The following LDB3 variants were observed in gnomAD, a reference collection of about 807,000 sequenced individuals.
LDB3 encodes the protein LIM domain binding 3, also known as LIM domain-binding protein 3.
A neutral mutation model predicts 69.0 loss-of-function variants in LDB3; 49 were observed. That is an observed-to-expected ratio of 0.71 (90% CI 0.56 to 0.90). The LOEUF (loss-of-function observed/expected upper bound fraction) is 0.90, where lower values mean the gene tolerates loss of function less well. Among genes scored for constraint, LDB3 ranks in the 40% least tolerant of loss-of-function variants. LDB3 has a pLI of 0.00. For synonymous variants in LDB3, 387 were observed against 396.2 expected (o/e 0.98, Z 0.28); for missense variants, 928 against 974.1 (o/e 0.95, Z 0.63).
At chr10:86,687,057 C>T (rs903200280) in intron 5 of LDB3, 11 of 1,613,468 alleles carry the variant, frequency 6.8e-6, no homozygotes, top group East Asian at 2.2e-5. Flanking sequence ...TACTCCCGCA[C>T]CCCTCCCCCA....
rs1844467549 is a variant in LDB3, at chr10:86,671,441, C to T, written c.93+2657C>T. On this transcript the variant is annotated intron_variant, in intron 2 of 13. Coordinates refer to ENST00000361373, the MANE Select transcript of LDB3 (RefSeq NM_007078.3). ...GCAGCAGCCCCTCAAGGCATCCCTTCATAGGGTCTCTGCTTGCAGACCCAC... is the reference window on the plus strand; with the variant it reads ...GCAGCAGCCCCTCAAGGCATCCCTTTATAGGGTCTCTGCTTGCAGACCCAC... Among the ~76,000 whole-genome samples the T allele has an allele frequency of 2.0e-5, 3 of 152,286 alleles. No individual in the cohort carries two copies. In the South Asian group the frequency reaches 6.2e-4, roughly 32 times the overall value.
intron 5 of LDB3, among the ~76,000 whole-genome samples, chr10:86,682,188 C>T (rs1845190780): frequency 6.6e-6 from 1 of 152,196 alleles, no homozygotes; most frequent in African/African-American, 2.4e-5. Flanking sequence ...GAGCTATGCA[C>T]AGGTCCCCAC....
chr10:86,674,795 C>T (rs1844691869), intron 2 of LDB3, among the ~76,000 whole-genome samples: 2 of 152,244 alleles, frequency 1.3e-5, no homozygotes, highest in South Asian at 2.1e-4. Flanking sequence ...ACAAGACAGA[C>T]GTGGAAGCAT....
At chr10:86,673,144 G>A (rs1844580768) in intron 2 of LDB3, among the ~76,000 whole-genome samples, 1 of 152,380 alleles carries the variant, frequency 6.6e-6, no homozygotes, top group Non-Finnish European at 1.5e-5. Flanking sequence ...CTTGCTGGGG[G>A]CCCTTGAGAG....
intron 5 of LDB3, among the ~76,000 whole-genome samples, chr10:86,689,872 G>C (rs946092661): frequency 6.6e-6 from 1 of 152,214 alleles, no homozygotes; most frequent in Admixed American, 6.5e-5. Flanking sequence ...AGTGGGTCCA[G>C]AGAGTGGACT....
intron 13 of LDB3, among the ~76,000 whole-genome samples, chr10:86,727,549 C>T (rs1242586779): frequency 1.3e-5 from 2 of 152,226 alleles, no homozygotes; most frequent in African/African-American, 4.8e-5. Flanking sequence ...CTCTGTGTGT[C>T]GGTTTGCTAG....
intron 7 of LDB3, among the ~76,000 whole-genome samples, chr10:86,693,764 C>T (rs567441088): frequency 1.3e-5 from 2 of 152,352 alleles, no homozygotes; most frequent in South Asian, 4.1e-4. Flanking sequence ...GAGCTCTCAG[C>T]TCTCCCCTCC....
chr10:86,681,163 C>T (rs1358206917), intron 4 of LDB3, among the ~76,000 whole-genome samples: 3 of 152,242 alleles, frequency 2.0e-5, no homozygotes, highest in East Asian at 3.9e-4. Flanking sequence ...CCCACTTCCT[C>T]GGGCCCTGGG....
At chr10:86,696,435 C>T (rs960810856) in intron 7 of LDB3, among the ~76,000 whole-genome samples, 3 of 152,218 alleles carry the variant, frequency 2.0e-5, no homozygotes, top group Admixed American at 2.0e-4. Flanking sequence ...CCTGGGAGGT[C>T]GTCTTTCTTG....
intron 9 of LDB3, among the ~76,000 whole-genome samples, chr10:86,715,895 A>G (rs1199299991): frequency 6.6e-6 from 1 of 152,174 alleles, no homozygotes; most frequent in Non-Finnish European, 1.5e-5. Flanking sequence ...AACTTATGCC[A>G]AGGGAGGTAT....
rs587782955 is a variant in LDB3, at chr10:86,681,472, C to A, written c.358C>A (p.Pro120Thr). The A allele has an allele frequency of 2.5e-6, 4 of 1,607,012 alleles. No individual in the cohort carries two copies. Reference sequence around the variant, plus strand: ...GGACACGAACGGCAGCCTGGTGGCACCCAGCCCCAGCCCTGAGGCGAGGGC... The same window carrying A: ...GGACACGAACGGCAGCCTGGTGGCAACCAGCCCCAGCCCTGAGGCGAGGGC... ...ALDTNGSLVA[P>T]SPSPEARASP... The change falls in exon 5 of 14, where the codon CCC becomes ACC. Residue 120 changes from proline (P) to threonine (T), a missense_variant. Physicochemically the swap from Pro to Thr is conservative, Grantham distance 38. Transcript: ENST00000361373.
intron 5 of LDB3, among the ~76,000 whole-genome samples, chr10:86,688,535 C>T (rs545320776): frequency 8.5e-4 from 130 of 152,296 alleles, no homozygotes; most frequent in African/African-American, 2.9e-3. Context: ...AAGTCAAACT[C>T]CCAAGGCTCA....
intron 9 of LDB3, among the ~76,000 whole-genome samples, chr10:86,710,900 G>A (rs1184030190): frequency 1.3e-5 from 2 of 152,226 alleles, no homozygotes; most frequent in East Asian, 3.9e-4. Context: ...TCCAGGCTGC[G>A]CTGTTCATGG....
At chr10:86,715,895 A>C (rs1199299991) in intron 9 of LDB3, among the ~76,000 whole-genome samples, 5 of 152,174 alleles carry the variant, frequency 3.3e-5, no homozygotes, top group African/African-American at 1.2e-4. Flanking sequence ...AACTTATGCC[A>C]AGGGAGGTAT....
rs778000992 is a variant in LDB3 at position 86,692,516 on chromosome 10, A to G, written c.860-19A>G. On this transcript the variant is annotated intron_variant, in intron 6 of 13. Transcript: ENST00000361373. Reference sequence around the variant, plus strand: ...TGTGTCTCCCGTGAGTCCCCTGACCAGCTCCTTTCTACCAACAGTGCAAGA... The same window carrying G: ...TGTGTCTCCCGTGAGTCCCCTGACCGGCTCCTTTCTACCAACAGTGCAAGA... 1 of 1,614,024 alleles carries G rather than the reference A, an allele frequency of 6.2e-7. No individual in the cohort carries two copies. The highest frequency in any genetic ancestry group is 8.5e-7 in the Non-Finnish European group (1 of 1,179,860).
At chr10:86,668,813 C>T (rs762991593) in intron 2 of LDB3, 29 bp downstream of exon 2, 2 of 1,539,738 alleles carry the variant, frequency 1.3e-6, no homozygotes, top group African/African-American at 2.7e-5. Flanking sequence ...AGCCTGGCAC[C>T]CGATGGGGCA....
At chr10:86,717,894 G>T in intron 10 of LDB3, 70 bp from the exon 11 acceptor site, 1 of 1,398,254 alleles carries the variant, frequency 7.2e-7, no homozygotes, top group South Asian at 1.2e-5. Flanking sequence ...AAACAGTGTT[G>T]GGGTTCTTCA....
chr10:86,733,201 C>G lies in LDB3; in HGVS notation c.*225C>G, dbSNP rs1372312914. 1.9e-6 allele frequency: 1 copy of G among 514,516 alleles called. No homozygotes were observed. The highest frequency in any genetic ancestry group is 3.5e-6 in the Non-Finnish European group (1 of 282,876). The allele number at this position is 514,516 out of a possible 1,614,324, so 31.9% of individuals were successfully genotyped here. ...ACTCAAAACCAAGCTAGTTATTAATCCAAGACTGGAATTGTACTTCAGACA... is the reference window on the plus strand; with the variant it reads ...ACTCAAAACCAAGCTAGTTATTAATGCAAGACTGGAATTGTACTTCAGACA... On this transcript the variant is annotated 3_prime_UTR_variant, in exon 14 of 14. Coordinates refer to ENST00000361373, the MANE Select transcript of LDB3 (RefSeq NM_007078.3).
At chr10:86,682,482 A>C (rs993452285) in intron 5 of LDB3, among the ~76,000 whole-genome samples, 3 of 152,106 alleles carry the variant, frequency 2.0e-5, no homozygotes, top group Non-Finnish European at 4.4e-5. Flanking sequence ...CACAGCAGGT[A>C]AAAGGACATG....
Sources: gnomAD v4.1 joint callset for allele counts (sites outside exome capture counted in the v4.1 genomes callset) on GRCh38, gnomAD v4.1.1 for gene constraint, MANE v1.5 for transcripts, NCBI Gene and HGNC (gene_info 2026-07-23, HGNC 2026-07-21) for gene names.